Variants in CPT1C observed in about 807,000 individuals in gnomAD.
CPT1C encodes palmitoyl thioesterase CPT1C.
Under a neutral mutation model 97.3 loss-of-function variants are expected in CPT1C, and 61 were observed. The observed-to-expected ratio is 0.63, with a 90% CI of 0.51 to 0.78. The LOEUF is 0.78. CPT1C is among the 30% of genes least tolerant of loss of function. The pLI is 0.00. For synonymous variants in CPT1C, 469 were observed against 447.2 expected, an observed-to-expected ratio of 1.05 and a Z score of -0.61; for missense variants, 975 against 1,065.5, an observed-to-expected ratio of 0.92 and a Z score of 1.18.
chr19:49,704,735 T>G lies in CPT1C; in HGVS notation c.719T>G (p.Val240Gly). 1 of 1,614,014 alleles carries G rather than the reference T, an allele frequency of 6.2e-7. No individual in the cohort carries two copies. Among genetic ancestry groups the G allele is most frequent in the Non-Finnish European group, 8.5e-7 (1 of 1,180,002 alleles). The change falls in exon 8 of 20, where the codon GTG becomes GGG. Residue 240 changes from valine (V) to glycine (G), a missense_variant. By Grantham distance (109) the Val-to-Gly change is moderately radical. Transcript: ENST00000598293. Reference sequence around the variant, plus strand: ...GTCAGTGACTGGTGGGAGGAATTTGTGTACCTGCGCTCCCGAAATCCGCTG... The same window carrying G: ...GTCAGTGACTGGTGGGAGGAATTTGGGTACCTGCGCTCCCGAAATCCGCTG... ...NYVSDWWEEF[V>G]YLRSRNPLMV...
chr19:49,702,017 TTTATAAA>T (rs1187148003), intron 7 of CPT1C, among the ~76,000 whole-genome samples: 1 of 44,682 alleles, frequency 2.2e-5, no homozygotes, highest in Non-Finnish European at 3.5e-5. Flanking sequence ...AATATATTTA[TTTATAAA>T]TTATAAATAT....
chr19:49,707,465 T>A (rs556179696), intron 12 of CPT1C, 53 bp from the exon 13 acceptor site: 4 of 1,317,912 alleles, frequency 3.0e-6, no homozygotes, highest in Middle Eastern at 1.8e-4. Flanking sequence ...GAAAGCACTC[T>A]GAGGTCCCCG....
chr19:49,692,680 T>C (rs1465771626), intron 3 of CPT1C, among the ~76,000 whole-genome samples: 2 of 152,176 alleles, frequency 1.3e-5, no homozygotes, highest in South Asian at 2.1e-4. Context: ...CTCCATATCC[T>C]TCCCTTATGG....
At chr19:49,710,540 C>G (rs1282523983) in intron 15 of CPT1C, 56 bp downstream of exon 15, 1 of 1,598,822 alleles carries the variant, frequency 6.3e-7, no homozygotes, top group African/African-American at 1.3e-5. Flanking sequence ...CCTGAGCCCC[C>G]AAGACCTGCC....
intron 3 of CPT1C, among the ~76,000 whole-genome samples, chr19:49,696,033 C>G (rs190050640): frequency 6.6e-6 from 1 of 152,044 alleles, no homozygotes; most frequent in Non-Finnish European, 1.5e-5. Context: ...CCCACCACCA[C>G]GCCTGGCTAA....
chr19:49,702,100 T>G (rs1369268261), intron 7 of CPT1C, among the ~76,000 whole-genome samples: 13 of 100,738 alleles, frequency 1.3e-4, no homozygotes, highest in East Asian at 1.2e-3. Flanking sequence ...TATTTATAAA[T>G]TATAAATATA....
chr19:49,698,501 A>G lies in CPT1C; in HGVS notation c.281+1036A>G, dbSNP rs184122165. 5.5e-4 allele frequency among the ~76,000 whole-genome samples: 83 copies of G among 151,950 alleles called. 1 individual carries two copies. Among genetic ancestry groups the G allele is most frequent in the Middle Eastern group, 3.4e-3 (1 of 294 alleles). On this transcript the variant is annotated intron_variant, in intron 4 of 19. Coordinates refer to ENST00000598293, the MANE Select transcript of CPT1C (RefSeq NM_001199753.2). The stretch of plus-strand genomic sequence containing the variant: ...AACATAGTGAAACCCCGTCTCTACT[A>G]AAAATACAAAAATTAGCCGGGTGTG...
At chr19:49,698,484 G>A (rs2082798206) in intron 4 of CPT1C, among the ~76,000 whole-genome samples, 1 of 151,824 alleles carries the variant, frequency 6.6e-6, no homozygotes. Context: ...ACAACATAGT[G>A]AAACCCCGTC....
chr19:49,707,472 C>G (rs1249854147), intron 12 of CPT1C, 46 bp from the exon 13 acceptor site: 15 of 1,392,620 alleles, frequency 1.1e-5, no homozygotes, highest in Non-Finnish European at 1.5e-5. Context: ...CTCTGAGGTC[C>G]CCGTGCCCCT....
At chr19:49,705,738 G>T (rs1008724303) in intron 10 of CPT1C, among the ~76,000 whole-genome samples, 171 bp from the exon 11 acceptor site, 1 of 152,104 alleles carries the variant, frequency 6.6e-6, no homozygotes, top group African/African-American at 2.4e-5. Context: ...CCAGCCTGGC[G>T]ACAGAGCGAG....
At chr19:49,711,232 TA>T (rs1394359335) in intron 16 of CPT1C, 1 of 161,218 alleles carries the variant, frequency 6.2e-6, no homozygotes, top group African/African-American at 2.4e-5. Context: ...TAGCTGGAAT[TA>T]TAGGCACCCG....
intron 4 of CPT1C, 53 bp downstream of exon 4, chr19:49,697,518 A>T: frequency 6.3e-7 from 1 of 1,581,544 alleles, no homozygotes; most frequent in African/African-American, 1.4e-5. Flanking sequence ...CCCTTCACCC[A>T]GTAAGTTCCT....
At chr19:49,703,975 C>T (rs1291017814) in intron 7 of CPT1C, among the ~76,000 whole-genome samples, 10 of 151,946 alleles carry the variant, frequency 6.6e-5, no homozygotes, top group Admixed American at 2.0e-4. Context: ...CAGTGACACA[C>T]GCACCATTTT....
chr19:49,706,045 T>G lies in CPT1C; in HGVS notation c.1101T>G (p.Asp367Glu). 6 of 1,613,936 alleles carry G rather than the reference T, an allele frequency of 3.7e-6. No individual in the cohort carries two copies. The highest frequency in any genetic ancestry group is 5.1e-6 in the Non-Finnish European group (6 of 1,179,966). The change falls in exon 11 of 20, where the codon GAT (aspartate) becomes GAG (glutamate). Residue 367 changes from aspartate to glutamate, a missense_variant. Coordinates refer to ENST00000598293, the MANE Select transcript of CPT1C (RefSeq NM_001199753.2). The surrounding 1 kb of genome is among the most constrained non-coding windows in gnomAD (Gnocchi z 4.8). ...ALEQQFQRIL[D>E]DPSPACPHEE... is the part of the protein sequence containing the mutation. ...AGCAGCAGTTTCAGAGAATCCTGGATGATCCCTCACCGGCCTGCCCCCACG... is the reference window on the plus strand; with the variant it reads ...AGCAGCAGTTTCAGAGAATCCTGGAGGATCCCTCACCGGCCTGCCCCCACG...
rs770331675 is a variant in CPT1C, at chr19:49,704,991, C to T, written c.772-16C>T. 1.5e-5 allele frequency: 24 copies of T among 1,574,280 alleles called. No individual in the cohort carries two copies. In the East Asian group the frequency reaches 5.4e-4, roughly 35 times the overall value. On this transcript the variant is annotated splice_polypyrimidine_tract_variant and intron_variant, in intron 8 of 19. Coordinates refer to ENST00000598293, the MANE Select transcript of CPT1C (RefSeq NM_001199753.2). ...CTGACCCTGGGTGTTTTGCCATCCCCTCTCCTGGTCCCCAGGACTTCCTGT... is the reference window on the plus strand; with the variant it reads ...CTGACCCTGGGTGTTTTGCCATCCCTTCTCCTGGTCCCCAGGACTTCCTGT...
At chr19:49,701,658 C>T (rs1488075307) in intron 7 of CPT1C, 24 bp downstream of exon 7, 7 of 1,580,108 alleles carry the variant, frequency 4.4e-6, no homozygotes, top group Middle Eastern at 1.7e-4. Flanking sequence ...CCGCCACCAA[C>T]GCCCCACCTG....
chr19:49,713,569 G>A lies in CPT1C; in HGVS notation c.2376G>A (p.Gly792=). ...GTGGATTTCTCTCCCGCCAGACTGG[G>A]GCCTCCAAGGCCTCAATGACATCCA... ...HRCGFLSRQT[G]ASKASMTSTD... Residue 792 remains glycine (G), a synonymous_variant, in exon 20 of 20, where the codon GGG becomes GGA. Coordinates refer to ENST00000598293, the MANE Select transcript of CPT1C (RefSeq NM_001199753.2). 6.2e-7 allele frequency: 1 copy of A among 1,613,058 alleles called. No individual in the cohort carries two copies. Among genetic ancestry groups the A allele is most frequent in the South Asian group, 1.1e-5 (1 of 90,982 alleles).
At chr19:49,701,769 A>C in intron 7 of CPT1C, 135 bp downstream of exon 7, 1 of 863,272 alleles carries the variant, frequency 1.2e-6, no homozygotes. Context: ...AAGGGTCAAT[A>C]CCCTGAGCCC....
intron 13 of CPT1C, among the ~76,000 whole-genome samples, chr19:49,708,328 T>TC (rs2083635148): frequency 6.6e-6 from 1 of 151,168 alleles, no homozygotes; most frequent in Non-Finnish European, 1.5e-5. Context: ...ACAAAAAACG[T>TC]TAAAAAAAAA....
Sources: gnomAD v4.1 joint callset for allele counts (sites outside exome capture counted in the v4.1 genomes callset) on GRCh38, gnomAD v4.1.1 for gene constraint, Gnocchi (gnomAD v3.1) non-coding constraint, MANE v1.5 for transcripts, NCBI Gene and HGNC (gene_info 2026-07-23, HGNC 2026-07-21) for gene names.